The following LMO2 variants were observed in gnomAD, a reference collection of about 807,000 sequenced individuals.
LMO2 encodes rhombotin-2.
In LMO2, 20 loss-of-function variants were observed where a neutral mutation model predicts 23.2. The observed-to-expected ratio is 0.86, with a 90% CI of 0.61 to 1.25. The LOEUF is 1.25. Ranked by LOEUF, LMO2 falls within the 50% of genes most tolerant of loss-of-function variation. The probability of loss-of-function intolerance (pLI) is 0.00; values close to 1 mark genes in which losing one functional copy is unlikely to be tolerated. For missense variants in LMO2, 270 were observed against 315.3 expected, an observed-to-expected ratio of 0.86 and a Z score of 1.09; for synonymous variants, 123 against 130.2, an observed-to-expected ratio of 0.94 and a Z score of 0.38.
Position 33,869,730 on chromosome 11 carries a change from C to T in LMO2, c.-14G>A. 1 of 1,287,922 alleles carries T rather than the reference C, an allele frequency of 7.8e-7. No individual in the cohort carries two copies. The highest frequency in any genetic ancestry group is 1.0e-6 in the Non-Finnish European group (1 of 1,001,208). The allele number at this position is 1,287,922 out of a possible 1,614,324, so 79.8% of individuals were successfully genotyped here. A position where few individuals can be genotyped will look rare whatever the true frequency, so the allele number is the denominator to read the frequency against. On this transcript the variant is annotated 5_prime_UTR_variant, in exon 3 of 6. Coordinates refer to ENST00000257818, the MANE Select transcript of LMO2 (RefSeq NM_005574.4). ...TTAACCTTCCATCCCGGTCCCGCCGCCGCCACCGCCCGGTCCCTCTCGCGC... is the reference window on the plus strand; with the variant it reads ...TTAACCTTCCATCCCGGTCCCGCCGTCGCCACCGCCCGGTCCCTCTCGCGC...
In LMO2 at chr11:33,859,302, A is replaced by G. The variant is rs1483169622; in HGVS notation, c.*54T>C. On this transcript the variant is annotated 3_prime_UTR_variant, in exon 6 of 6. Coordinates refer to ENST00000257818, the MANE Select transcript of LMO2 (RefSeq NM_005574.4). ...GCCTAAGAGTGAAGACGAAGATGCC[A>G]TGGAGACGGCGTCTTCAGTGAACAC... 1.0e-5 allele frequency: 14 copies of G among 1,363,104 alleles called. No individual in the cohort carries two copies. The highest frequency in any genetic ancestry group is 1.5e-5 in the Non-Finnish European group (14 of 959,142). 84.4% of individuals were successfully genotyped at this position (1,363,104 alleles called of 1,614,324 possible). A position where few individuals can be genotyped will look rare whatever the true frequency, so the allele number is the denominator to read the frequency against.
intron 2 of LMO2, among the ~76,000 whole-genome samples, chr11:33,875,414 C>G (rs1056985244): frequency 1.3e-5 from 2 of 151,958 alleles, no homozygotes; most frequent in Non-Finnish European, 2.9e-5. Flanking sequence ...CCTATCTCTA[C>G]TAAAAATACA....
At chr11:33,876,865 G>T (rs185598318) in intron 2 of LMO2, among the ~76,000 whole-genome samples, 2 of 152,222 alleles carry the variant, frequency 1.3e-5, no homozygotes, top group Non-Finnish European at 2.9e-5. Flanking sequence ...GCAAAACAGG[G>T]ATAACAATAT....
chr11:33,871,997 C>G (rs570421641), intron 2 of LMO2, among the ~76,000 whole-genome samples: 36 of 152,146 alleles, frequency 2.4e-4, no homozygotes, highest in African/African-American at 8.4e-4. Flanking sequence ...GGCTCGGTGG[C>G]CCACACCTGT....
rs773253746 is a variant in LMO2 at position 33,869,723 on chromosome 11, C to CCCG, written c.-10_-8dup. 3.2e-6 allele frequency: 4 copies of CCCG among 1,269,558 alleles called. No homozygotes were observed. The highest frequency in any genetic ancestry group is 4.1e-6 in the Non-Finnish European group (4 of 983,336). 78.6% of individuals were successfully genotyped at this position (1,269,558 alleles called of 1,614,324 possible). On this transcript the variant is annotated 5_prime_UTR_variant, in exon 3 of 6. Coordinates refer to ENST00000257818, the MANE Select transcript of LMO2 (RefSeq NM_005574.4). Reference sequence around the variant, plus strand: ...TCAGGACTTAACCTTCCATCCCGGTCCCGCCGCCGCCACCGCCCGGTCCCT... The same window carrying CCCG: ...TCAGGACTTAACCTTCCATCCCGGTCCCGCCGCCGCCGCCACCGCCCGGTCCCT...
At chr11:33,882,805 A>G (rs1400038321) in intron 1 of LMO2, among the ~76,000 whole-genome samples, 1 of 152,208 alleles carries the variant, frequency 6.6e-6, no homozygotes, top group Non-Finnish European at 1.5e-5. Context: ...GAGAAATTTC[A>G]ATAACTTTCC....
rs199869100 is a variant in LMO2 at position 33,859,346 on chromosome 11, G to A, written c.*10C>T. On this transcript the variant is annotated 3_prime_UTR_variant, in exon 6 of 6. Coordinates refer to ENST00000257818, the MANE Select transcript of LMO2 (RefSeq NM_005574.4). ...TGAACACCTCCCCAAAGATGCCCGG[G>A]GACTCGGGCCTATATCATCCCATTG... 105 of 1,603,074 alleles carry A rather than the reference G, an allele frequency of 6.5e-5. 1 individual carries two copies. In the African/African-American group the frequency reaches 1.3e-3, roughly 20 times the overall value.
At chr11:33,869,659 C>T in intron 3 of LMO2, 51 bp downstream of exon 3, 1 of 1,258,698 alleles carries the variant, frequency 7.9e-7, no homozygotes, top group Non-Finnish European at 1.0e-6. Flanking sequence ...GGCCGGGGCG[C>T]GCAGCCTGGC....
In LMO2 at chr11:33,869,336, C is replaced by T; in HGVS notation, c.248+10G>A. On this transcript the variant is annotated intron_variant, in intron 4 of 5. Coordinates refer to ENST00000257818, the MANE Select transcript of LMO2 (RefSeq NM_005574.4). Reference sequence around the variant, plus strand: ...ACCGGGGGTGGCAGGGGCAGGGGGGCCGCACTTACTCTGAAGGGTCCAGGC... The same window carrying T: ...ACCGGGGGTGGCAGGGGCAGGGGGGTCGCACTTACTCTGAAGGGTCCAGGC... 1 of 1,195,254 alleles carries T rather than the reference C, an allele frequency of 8.4e-7. No individual in the cohort carries two copies. Among genetic ancestry groups the T allele is most frequent in the Admixed American group, 4.5e-5 (1 of 22,014 alleles). 74.0% of individuals were successfully genotyped at this position (1,195,254 alleles called of 1,614,324 possible).
chr11:33,877,752 A>G (rs1047598418), intron 2 of LMO2, among the ~76,000 whole-genome samples: 2 of 152,050 alleles, frequency 1.3e-5, no homozygotes, highest in East Asian at 3.9e-4. Context: ...GGTGTAAGCC[A>G]CTGCACCCTA....
At chr11:33,865,085 A>G in intron 4 of LMO2, 1 of 521,572 alleles carries the variant, frequency 1.9e-6, no homozygotes, top group Non-Finnish European at 3.5e-6. Flanking sequence ...TGCAGGTGGC[A>G]CTGTGCCCCT....
At chr11:33,873,598 C>T (rs1482569183) in intron 2 of LMO2, among the ~76,000 whole-genome samples, 7 of 152,162 alleles carry the variant, frequency 4.6e-5, no homozygotes, top group Non-Finnish European at 1.0e-4. Flanking sequence ...ACATGTAAAA[C>T]GGTTCTTTTA....
chr11:33,865,239 G>A (rs1483468859), intron 4 of LMO2: 1 of 277,634 alleles, frequency 3.6e-6, no homozygotes, highest in Non-Finnish European at 7.2e-6. Context: ...CTCAAAGGAC[G>A]CACTCTGGAC....
In LMO2 at chr11:33,864,038, C is replaced by T. The variant is rs1856680853; in HGVS notation, c.464+564G>A. ...GCTGGGAAGCAATGGTATTGGGACTCAAACCTCCAACTGCCTACAGGGCCT... is the reference window on the plus strand; with the variant it reads ...GCTGGGAAGCAATGGTATTGGGACTTAAACCTCCAACTGCCTACAGGGCCT... On this transcript the variant is annotated intron_variant, in intron 5 of 5. Coordinates refer to ENST00000257818, the MANE Select transcript of LMO2 (RefSeq NM_005574.4). The surrounding 1 kb of genome is among the most constrained non-coding windows in gnomAD (Gnocchi z 4.8). Among the ~76,000 whole-genome samples, 1 of 152,206 alleles carries T rather than the reference C, an allele frequency of 6.6e-6. No homozygotes were observed. Among genetic ancestry groups the T allele is most frequent in the Admixed American group, 6.5e-5 (1 of 15,282 alleles).
intron 2 of LMO2, among the ~76,000 whole-genome samples, chr11:33,872,484 A>C (rs957125748): frequency 4.6e-5 from 7 of 152,212 alleles, no homozygotes. Flanking sequence ...GGTATATAGT[A>C]AGCACTCATA....
Position 33,864,984 on chromosome 11 carries a change from C to A in LMO2, c.249-167G>T. 1 of 675,744 alleles carries A rather than the reference C, an allele frequency of 1.5e-6. No homozygotes were observed. The highest frequency in any genetic ancestry group is 2.7e-6 in the Non-Finnish European group (1 of 375,426). 41.9% of individuals were successfully genotyped at this position (675,744 alleles called of 1,614,324 possible). A position where few individuals can be genotyped will look rare whatever the true frequency, so the allele number is the denominator to read the frequency against. On this transcript the variant is annotated intron_variant, in intron 4 of 5. Transcript: ENST00000257818. The surrounding 1 kb of genome is among the most constrained non-coding windows in gnomAD (Gnocchi z 4.8). ...CCTTGGCCAGACTGCAGAGTCCCAACCAACCTTGGGTTAAGACGGGAAAGA... is the reference window on the plus strand; with the variant it reads ...CCTTGGCCAGACTGCAGAGTCCCAAACAACCTTGGGTTAAGACGGGAAAGA...
intron 5 of LMO2, 23 bp from the exon 6 acceptor site, chr11:33,859,598 TAAG>T (rs777386572): frequency 5.0e-6 from 8 of 1,608,974 alleles, no homozygotes; most frequent in East Asian, 2.2e-5. Flanking sequence ...AAAGAAAAGC[TAAG>T]AAGACAGTGA....
At chr11:33,870,519 C>T in intron 2 of LMO2, 6 of 985,238 alleles carry the variant, frequency 6.1e-6, no homozygotes, top group Non-Finnish European at 7.2e-6. Flanking sequence ...CGGCCGCGCT[C>T]TGCAGAGGCG....
At chr11:33,867,619 A>T (rs79997732) in intron 4 of LMO2, among the ~76,000 whole-genome samples, 1 of 152,188 alleles carries the variant, frequency 6.6e-6, no homozygotes, top group Non-Finnish European at 1.5e-5. Flanking sequence ...GTGCTGCAGC[A>T]ATTTCTCAAC....
Sources: allele counts gnomAD v4.1 joint callset (sites outside exome capture counted in the v4.1 genomes callset), GRCh38; gene constraint gnomAD v4.1.1; non-coding constraint Gnocchi (gnomAD v3.1); transcripts MANE v1.5; gene names NCBI Gene and HGNC (gene_info 2026-07-23, HGNC 2026-07-21).